The following SYNRG variants were observed in gnomAD, a reference collection of about 807,000 sequenced individuals.
SYNRG encodes the protein synergin gamma.
A neutral mutation model predicts 130.9 loss-of-function variants in SYNRG; 37 were observed. The ratio of observed to expected loss-of-function variants is 0.28; its 90% CI spans 0.22 to 0.37. SYNRG has a LOEUF of 0.37. SYNRG is among the 10% of genes least tolerant of loss of function. The pLI is 1.00. For missense variants in SYNRG, 1,338 were observed against 1,588.9 expected (o/e 0.84, Z 2.68); for synonymous variants, 539 against 568.1 (o/e 0.95, Z 0.73).
Position 37,516,050 on chromosome 17 carries a change from G to C in SYNRG, c.*2890C>G, listed in dbSNP as rs973574277. On this transcript the variant is annotated 3_prime_UTR_variant, in exon 22 of 22. Transcript: ENST00000612223. ...ACCTCTTCTATCTCAAGCATGTCCA[G>C]ACAAAAATTAAATTACACACTAAGC... The C allele has an allele frequency of 7.9e-5, 12 of 152,022 alleles. No homozygotes were observed. Among genetic ancestry groups the C allele is most frequent in the African/African-American group, 2.9e-4 (12 of 41,378 alleles). 9.4% of individuals were successfully genotyped at this position (152,022 alleles called of 1,614,324 possible).
In SYNRG at chr17:37,606,122, C is replaced by T. The variant is rs1291943461; in HGVS notation, c.77+3157G>A. The T allele has an allele frequency of 5.3e-6, 3 of 562,728 alleles. No homozygotes were observed. The African/African-American group carries it at 6.1e-5, about 11-fold the overall frequency. 34.9% of individuals were successfully genotyped at this position (562,728 alleles called of 1,614,324 possible). On this transcript the variant is annotated intron_variant, in intron 1 of 21. Coordinates refer to ENST00000612223, the MANE Select transcript of SYNRG (RefSeq NM_007247.6). ...AACTCAAGGCCCTCTCTAGTTTGGGCACAACTCTACTTTGCAGTTTTATCT... is the reference window on the plus strand; with the variant it reads ...AACTCAAGGCCCTCTCTAGTTTGGGTACAACTCTACTTTGCAGTTTTATCT...
At chr17:37,583,531 T>C (rs896628850) in intron 6 of SYNRG, among the ~76,000 whole-genome samples, 3 of 152,150 alleles carry the variant, frequency 2.0e-5, no homozygotes, top group South Asian at 2.1e-4. Flanking sequence ...ATATCACCCA[T>C]GAAAGGTACT....
At chr17:37,544,041 C>T (rs1446264904) in intron 14 of SYNRG, among the ~76,000 whole-genome samples, 1 of 152,226 alleles carries the variant, frequency 6.6e-6, no homozygotes, top group African/African-American at 2.4e-5. Flanking sequence ...CACAGCAATA[C>T]TGCATAATTT....
chr17:37,605,593 G>A (rs555427154), intron 1 of SYNRG, among the ~76,000 whole-genome samples: 6 of 152,284 alleles, frequency 3.9e-5, no homozygotes, highest in South Asian at 4.2e-4. Flanking sequence ...TTAGCAAATC[G>A]AACTGCTTAG....
chr17:37,518,468 G>A lies in SYNRG; in HGVS notation c.*472C>T, dbSNP rs2054591877. 4 of 154,450 alleles carry A rather than the reference G, an allele frequency of 2.6e-5. No homozygotes were observed. Among genetic ancestry groups the A allele is most frequent in the South Asian group, 4.0e-4 (2 of 4,956 alleles). The allele number at this position is 154,450 out of a possible 1,614,324, so 9.6% of individuals were successfully genotyped here. On this transcript the variant is annotated 3_prime_UTR_variant, in exon 22 of 22. Coordinates refer to ENST00000612223, the MANE Select transcript of SYNRG (RefSeq NM_007247.6). ...TAAAAAGCAGAACATCAGTTTAATC[G>A]CAATTTCCTCTTTTTATTCATTTCA...
intron 19 of SYNRG, among the ~76,000 whole-genome samples, chr17:37,523,425 G>GT (rs2055395958): frequency 6.6e-6 from 1 of 152,318 alleles, no homozygotes; most frequent in East Asian, 1.9e-4. Context: ...TTTCCAAAGT[G>GT]TTGGAATTAG....
intron 3 of SYNRG, among the ~76,000 whole-genome samples, chr17:37,586,781 A>C (rs536649231): frequency 3.5e-4 from 54 of 152,278 alleles, no homozygotes; most frequent in Non-Finnish European, 6.8e-4. Flanking sequence ...TAACCCCTCC[A>C]TTCCCTTCAC....
intron 20 of SYNRG, 110 bp from the exon 21 acceptor site, chr17:37,520,324 C>T: frequency 7.1e-7 from 1 of 1,406,446 alleles, no homozygotes; most frequent in South Asian, 1.2e-5. Context: ...CCACTATGCA[C>T]AGGGTGCTGC....
intron 19 of SYNRG, among the ~76,000 whole-genome samples, chr17:37,527,238 C>T (rs1485079822): frequency 2.6e-5 from 4 of 152,132 alleles, no homozygotes; most frequent in Non-Finnish European, 5.9e-5. Flanking sequence ...TTTTATATGG[C>T]AAAAATCGAT....
rs564082193 is a variant in SYNRG, at chr17:37,552,982, G to A, written c.2608+133C>T. 118 of 761,758 alleles carry A rather than the reference G, an allele frequency of 1.5e-4. No homozygotes were observed. The South Asian group carries it at 2.2e-3, about 14-fold the overall frequency. 47.2% of individuals were successfully genotyped at this position (761,758 alleles called of 1,614,324 possible). On this transcript the variant is annotated intron_variant, in intron 14 of 21. Transcript: ENST00000612223. ...AATTTAACACTGCTTTAAGGAGACT[G>A]GCAATAAAGAGGTTGATTATTAGAG...
At chr17:37,544,811 C>T (rs1172378945) in intron 14 of SYNRG, among the ~76,000 whole-genome samples, 2 of 152,110 alleles carry the variant, frequency 1.3e-5, no homozygotes, top group Non-Finnish European at 2.9e-5. Flanking sequence ...TGGAGAGATA[C>T]ATTCAGAAAA....
rs767641192 is a variant in SYNRG, at chr17:37,536,116, C to T, written c.3529G>A (p.Val1177Met). Reference sequence around the variant, plus strand: ...TCCACACGCTTGGTTACCCTGTACACTTCAACAACACCTGACGGGATGAGA... The same window carrying T: ...TCCACACGCTTGGTTACCCTGTACATTTCAACAACACCTGACGGGATGAGA... ...GMEYLLGVVEVYRVTKRVELG... is the reference protein window; with the variant it reads ...GMEYLLGVVEMYRVTKRVELG... Residue 1177 changes from valine to methionine, a missense_variant, in exon 19 of 22, where the codon GTG becomes ATG. By Grantham distance (21) the Val-to-Met change is conservative. This residue lies in a region of SYNRG where 1,146 missense variants were observed against 1,342.3 expected (regional missense o/e 0.85). Coordinates refer to ENST00000612223, the MANE Select transcript of SYNRG (RefSeq NM_007247.6). 3 of 1,611,000 alleles carry T rather than the reference C, an allele frequency of 1.9e-6. No individual in the cohort carries two copies.
intron 19 of SYNRG, among the ~76,000 whole-genome samples, chr17:37,534,697 C>T (rs1011213053): frequency 6.6e-6 from 1 of 151,146 alleles, no homozygotes; most frequent in Non-Finnish European, 1.5e-5. Context: ...TTCAAGGGAA[C>T]AAGAAAAAGT....
chr17:37,593,603 G>A (rs990426634), intron 3 of SYNRG, among the ~76,000 whole-genome samples: 24 of 151,998 alleles, frequency 1.6e-4, no homozygotes, highest in Admixed American at 1.0e-3. Context: ...GGTGAGTGGC[G>A]GACAGGTGTG....
intron 14 of SYNRG, among the ~76,000 whole-genome samples, chr17:37,549,497 T>C (rs1011924014): frequency 2.6e-5 from 4 of 152,180 alleles, no homozygotes; most frequent in Non-Finnish European, 5.9e-5. Flanking sequence ...ATTTGCTTTA[T>C]GTACTATGAG....
At chr17:37,604,336 C>CA (rs1488094242) in intron 1 of SYNRG, among the ~76,000 whole-genome samples, 1 of 152,076 alleles carries the variant, frequency 6.6e-6, no homozygotes, top group Non-Finnish European at 1.5e-5. Flanking sequence ...TCTACATCAG[C>CA]ACTTGCTGCT....
intron 14 of SYNRG, among the ~76,000 whole-genome samples, chr17:37,544,383 C>T (rs1471352517): frequency 6.6e-6 from 1 of 151,536 alleles, no homozygotes; most frequent in Non-Finnish European, 1.5e-5. Flanking sequence ...GGCGCGATCT[C>T]GGCTCACTAC....
intron 19 of SYNRG, among the ~76,000 whole-genome samples, chr17:37,535,331 G>T (rs954007185): frequency 9.9e-5 from 15 of 152,060 alleles, no homozygotes; most frequent in African/African-American, 3.6e-4. Context: ...AAATTGATAG[G>T]ACATAATGTA....
Position 37,609,356 on chromosome 17 carries a change from C to T in SYNRG, c.-1G>A. 1 of 1,445,426 alleles carries T rather than the reference C, an allele frequency of 6.9e-7. No homozygotes were observed. Among genetic ancestry groups the T allele is most frequent in the Non-Finnish European group, 9.0e-7 (1 of 1,105,432 alleles). The allele number at this position is 1,445,426 out of a possible 1,614,324, so 89.5% of individuals were successfully genotyped here. ...AACCAGCTCCTGGCCGCAGCGCCAT[C>T]TTGCTCCCGACCTGCCGCTGCCTTC... is the stretch of plus-strand genomic sequence containing the variant. On this transcript the variant is annotated 5_prime_UTR_variant, in exon 1 of 22. Coordinates refer to ENST00000612223, the MANE Select transcript of SYNRG (RefSeq NM_007247.6).
Sources: allele counts gnomAD v4.1 joint callset (sites outside exome capture counted in the v4.1 genomes callset), GRCh38; gene constraint gnomAD v4.1.1; regional missense constraint gnomAD v4.1.1; transcripts MANE v1.5; gene names NCBI Gene and HGNC (gene_info 2026-07-23, HGNC 2026-07-21).